Variants in POLR2M observed in about 807,000 individuals in gnomAD.
POLR2M encodes protein GRINL1A.
In POLR2M, 30 loss-of-function variants were observed where a neutral mutation model predicts 34.6. The observed-to-expected ratio is 0.87, with a 90% CI of 0.65 to 1.18. The LOEUF (loss-of-function observed/expected upper bound fraction) is 1.18. Among genes scored for constraint, POLR2M ranks in the 50% most tolerant of loss-of-function variants. The pLI, the probability that POLR2M is intolerant of heterozygous loss-of-function variation, is 0.00. For missense variants in POLR2M, 432 were observed against 448.7 expected, an observed-to-expected ratio of 0.96 and a Z score of 0.34; for synonymous variants, 150 against 166.7, an observed-to-expected ratio of 0.90 and a Z score of 0.77.
chr15:57,706,802 A>T lies in POLR2M; in HGVS notation c.-41A>T. ...CGCTAGTAGCGGGGCCTGCCGAGGA[A>T]GCCGAGTGCCCGCCGCCGCGCCAGC... On this transcript the variant is annotated 5_prime_UTR_variant, in exon 1 of 4. It adds an upstream start codon to the 5' untranslated region. Coordinates refer to ENST00000299638, the MANE Select transcript of POLR2M (RefSeq NM_015532.5). The T allele has an allele frequency of 6.5e-7, 1 of 1,539,964 alleles. No homozygotes were observed. Among genetic ancestry groups the T allele is most frequent in the Non-Finnish European group, 8.8e-7 (1 of 1,138,554 alleles).
chr15:57,712,075 C>T lies in POLR2M; in HGVS notation c.850C>T (p.His284Tyr), dbSNP rs144005000. 204 of 1,613,986 alleles carry T rather than the reference C, an allele frequency of 1.3e-4. No homozygotes were observed. In the African/African-American group the frequency reaches 2.3e-3, roughly 18 times the overall value. ...AGAGCGGCGGCGCAGGGATAAGCAG[C>T]ATCTTGATGACATCACAGCAGCTCG... ...SEERRRRDKQ[H>Y]LDDITAARLL... Residue 284 changes from histidine to tyrosine, a missense_variant, in exon 3 of 4, where the codon CAT (histidine) becomes TAT (tyrosine). Transcript: ENST00000299638.
At chr15:57,707,021 C>T in intron 1 of POLR2M, 66 bp downstream of exon 1, 2 of 1,551,906 alleles carry the variant, frequency 1.3e-6, no homozygotes, top group Middle Eastern at 1.7e-4. Context: ...GCGCTCCCCT[C>T]CCCTCCCGCA....
intron 2 of POLR2M, among the ~76,000 whole-genome samples, chr15:57,709,999 T>G (rs2040646542): frequency 6.6e-6 from 1 of 152,188 alleles, no homozygotes. Flanking sequence ...TAAAACTCCT[T>G]TGCCTTTTTT....
intron 3 of POLR2M, among the ~76,000 whole-genome samples, chr15:57,714,290 T>C (rs2040857585): frequency 6.6e-6 from 1 of 151,958 alleles, no homozygotes; most frequent in South Asian, 2.1e-4. Context: ...TATAGAGGAG[T>C]GTATTTCAGT....
chr15:57,706,994 CAGCTCG>C, intron 1 of POLR2M, 39 bp downstream of exon 1: 1 of 1,555,594 alleles, frequency 6.4e-7, no homozygotes, highest in South Asian at 1.2e-5. Flanking sequence ...CAGGCTCCTT[CAGCTCG>C]AGCTCCCTGG....
intron 1 of POLR2M, among the ~76,000 whole-genome samples, chr15:57,708,271 C>G (rs1474803885): frequency 6.6e-6 from 1 of 152,176 alleles, no homozygotes; most frequent in Non-Finnish European, 1.5e-5. Context: ...GCCATGTAGC[C>G]TCTGGAAAAC....
Position 57,709,456 on chromosome 15 carries a change from C to T in POLR2M, c.758+98C>T. The T allele has an allele frequency of 2.9e-6, 4 of 1,396,784 alleles. No individual in the cohort carries two copies. The Admixed American group carries it at 9.1e-5, about 32-fold the overall frequency. The allele number at this position is 1,396,784 out of a possible 1,614,324, so 86.5% of individuals were successfully genotyped here. The stretch of plus-strand genomic sequence containing the variant: ...GGTGTGGTGGTGCTTGCCTGTAGTC[C>T]CAGGCTACTCAGGAGGCTGAGGTGG... On this transcript the variant is annotated intron_variant, in intron 2 of 3. Coordinates refer to ENST00000299638, the MANE Select transcript of POLR2M (RefSeq NM_015532.5).
At position 57,708,957 on chromosome 15, in the gene POLR2M, T is replaced by C. The variant is rs781437683; in HGVS notation, c.357T>C (p.Asp119=). The C allele has an allele frequency of 1.9e-6, 3 of 1,614,066 alleles. No homozygotes were observed. In the South Asian group the frequency reaches 3.3e-5, roughly 18 times the overall value. The change falls in exon 2 of 4, where the codon GAT becomes GAC. Residue 119 remains aspartate (D), a synonymous_variant. Transcript: ENST00000299638. ...TAGTTCCTGGATGTTCCTCTGTAGA[T>C]AACATCAAGTCATCTCAAACCTCAC... The part of the protein sequence containing the change: ...SSLVPGCSSV[D]NIKSSQTSQN...
In POLR2M at chr15:57,707,277, C is replaced by G. The variant is rs11854253; in HGVS notation, c.113+322C>G. Reference sequence around the variant, plus strand: ...CTGCTTTCTAAACCCTTTTGTCGCCCGCACCCCTAACCCATAACAGATTGT... The same window carrying G: ...CTGCTTTCTAAACCCTTTTGTCGCCGGCACCCCTAACCCATAACAGATTGT... On this transcript the variant is annotated intron_variant, in intron 1 of 3. Transcript: ENST00000299638. 43,668 of 859,026 alleles carry G rather than the reference C, an allele frequency of 0.051. 1,444 individuals are homozygous for G. The highest frequency in any genetic ancestry group is 0.082 in the South Asian group (4,683 of 56,944). The allele number at this position is 859,026 out of a possible 1,614,324, so 53.2% of individuals were successfully genotyped here.
rs869161314 is a variant in POLR2M, at chr15:57,713,820, C to CTTTTTTTT, written c.964-684_964-677dup. 5.3e-4 allele frequency among the ~76,000 whole-genome samples: 35 copies of CTTTTTTTT among 65,638 alleles called. 1 individual carries two copies. Among genetic ancestry groups the CTTTTTTTT allele is most frequent in the East Asian group, 1.3e-3 (2 of 1,548 alleles). 43.1% of individuals were successfully genotyped at this position (65,638 alleles called of 152,430 possible). A position where few individuals can be genotyped will look rare whatever the true frequency, so the allele number is the denominator to read the frequency against. ...AGAAATCTAGACAGCATTAGTCCTT[C>CTTTTTTTT]TTTTTTTTTTTTTTTTTTTTTTTTT... On this transcript the variant is annotated intron_variant, in intron 3 of 3. Coordinates refer to ENST00000299638, the MANE Select transcript of POLR2M (RefSeq NM_015532.5).
chr15:57,713,648 T>C (rs1187857489), intron 3 of POLR2M, among the ~76,000 whole-genome samples: 3 of 152,070 alleles, frequency 2.0e-5, no homozygotes, highest in Non-Finnish European at 4.4e-5. Flanking sequence ...GGACTTTTTA[T>C]TGGATACTAG....
In POLR2M at chr15:57,708,714, A is replaced by G; in HGVS notation, c.114A>G (p.Glu38=). 1 of 1,574,468 alleles carries G rather than the reference A, an allele frequency of 6.4e-7. No homozygotes were observed. The highest frequency in any genetic ancestry group is 8.6e-7 in the Non-Finnish European group (1 of 1,164,418). Reference sequence around the variant, plus strand: ...AATAGTATTCTTTTCCATTTGACAGAAAATTCATTTGCAAATTGCCCGACA... The same window carrying G: ...AATAGTATTCTTTTCCATTTGACAGGAAATTCATTTGCAAATTGCCCGACA... ...LKRQERLLRN[E]KFICKLPDKG... is the part of the protein sequence containing the mutation. The change falls in exon 2 of 4, where the codon GAA becomes GAG. Residue 38 remains glutamate, a splice_region_variant and synonymous_variant. Transcript: ENST00000299638.
intron 1 of POLR2M, 150 bp downstream of exon 1, chr15:57,707,105 G>C: frequency 6.5e-7 from 1 of 1,546,642 alleles, no homozygotes; most frequent in Non-Finnish European, 8.7e-7. Context: ...GTGGACGGAG[G>C]GCTTGCTGCG....
In POLR2M at chr15:57,709,090, C is replaced by T. The variant is rs148967635; in HGVS notation, c.490C>T (p.Pro164Ser). 1.0e-4 allele frequency: 168 copies of T among 1,614,162 alleles called. No individual in the cohort carries two copies. In the African/African-American group the frequency reaches 1.9e-3, roughly 18 times the overall value. The change falls in exon 2 of 4, where the codon CCT becomes TCT. Residue 164 changes from proline (P) to serine (S), a missense_variant. Coordinates refer to ENST00000299638, the MANE Select transcript of POLR2M (RefSeq NM_015532.5). ...TTCCAGCAATAGAGACAGGGTACCACCTTCATCTGAAGCTAGTGAGCATCA... is the reference window on the plus strand; with the variant it reads ...TTCCAGCAATAGAGACAGGGTACCATCTTCATCTGAAGCTAGTGAGCATCA... ...PASSNRDRVP[P>S]SSEASEHHPR... is the part of the protein sequence containing the mutation.
chr15:57,706,962 T>C lies in POLR2M; in HGVS notation c.113+7T>C. 1 of 1,585,296 alleles carries C rather than the reference T, an allele frequency of 6.3e-7. No homozygotes were observed. The highest frequency in any genetic ancestry group is 1.8e-5 in the Admixed American group (1 of 55,730). On this transcript the variant is annotated splice_region_variant and intron_variant, in intron 1 of 3. Coordinates refer to ENST00000299638, the MANE Select transcript of POLR2M (RefSeq NM_015532.5). The stretch of plus-strand genomic sequence containing the variant: ...AGAGACTTTTGCGCAACGAGTAAGC[T>C]GGGGTCCCGCGGAGTCTCCGCCAGG...
Position 57,714,792 on chromosome 15 carries a change from C to T in POLR2M, c.*113C>T. 1 of 1,494,572 alleles carries T rather than the reference C, an allele frequency of 6.7e-7. No individual in the cohort carries two copies. The highest frequency in any genetic ancestry group is 9.0e-7 in the Non-Finnish European group (1 of 1,117,262). The allele number at this position is 1,494,572 out of a possible 1,614,324, so 92.6% of individuals were successfully genotyped here. A position where few individuals can be genotyped will look rare whatever the true frequency, so the allele number is the denominator to read the frequency against. On this transcript the variant is annotated 3_prime_UTR_variant, in exon 4 of 4. Transcript: ENST00000299638. ...TGAGGGAAGTAATTTTATAAAGTTA[C>T]ACAAAGGTAGTTATAAAAAAAGCCC...
chr15:57,710,046 G>A (rs1317678165), intron 2 of POLR2M, among the ~76,000 whole-genome samples: 1 of 152,164 alleles, frequency 6.6e-6, no homozygotes, highest in Non-Finnish European at 1.5e-5. Context: ...TGGCTGTAAT[G>A]TATACATGTG....
chr15:57,711,103 A>G (rs1291726490), intron 2 of POLR2M, among the ~76,000 whole-genome samples: 1 of 152,078 alleles, frequency 6.6e-6, no homozygotes, highest in African/African-American at 2.4e-5. Flanking sequence ...TTTCTTTCCA[A>G]GGTGATTTCC....
Position 57,709,166 on chromosome 15 carries a change from A to C in POLR2M, c.566A>C (p.Asp189Ala). 1.2e-6 allele frequency: 2 copies of C among 1,614,256 alleles called. No homozygotes were observed. The highest frequency in any genetic ancestry group is 1.7e-6 in the Non-Finnish European group (2 of 1,180,054). Residue 189 changes from aspartate (D) to alanine (A), a missense_variant, in exon 2 of 4, where the codon GAC (aspartate) becomes GCC (alanine). Physicochemically the swap from Asp to Ala is moderately radical, Grantham distance 126. Coordinates refer to ENST00000299638, the MANE Select transcript of POLR2M (RefSeq NM_015532.5). ...GCGGAAGATACTTCCAGCAGCTTTG[A>C]CAACCTGTTTATTGACAGGTTACAG... ...SQAEDTSSSF[D>A]NLFIDRLQRI...
Sources: gnomAD v4.1 joint callset for allele counts (sites outside exome capture counted in the v4.1 genomes callset) on GRCh38, gnomAD v4.1.1 for gene constraint, MANE v1.5 for transcripts, NCBI Gene and HGNC (gene_info 2026-07-23, HGNC 2026-07-21) for gene names.